The following ACACA variants were observed in gnomAD, a reference collection of about 807,000 sequenced individuals.
ACACA encodes acetyl-CoA carboxylase 1.
Under a neutral mutation model 296.1 loss-of-function variants are expected in ACACA, and 103 were observed. The observed-to-expected ratio is 0.35, with a 90% CI of 0.30 to 0.41. The LOEUF is 0.41. Among genes scored for constraint, ACACA ranks in the 10% least tolerant of loss-of-function variants. ACACA has a pLI of 1.00. For missense variants in ACACA, 1,554 were observed against 2,989.7 expected, an observed-to-expected ratio of 0.52 and a Z score of 11.20; for synonymous variants, 953 against 1,038.6, an observed-to-expected ratio of 0.92 and a Z score of 1.58.
intron 50 of ACACA, among the ~76,000 whole-genome samples, chr17:37,117,801 T>TTC (rs1555550616): frequency 7.3e-5 from 11 of 151,542 alleles, no homozygotes; most frequent in African/African-American, 2.7e-4. Flanking sequence ...TTTTTTTTTT[T>TTC]CCCTTCACTA....
intron 41 of ACACA, among the ~76,000 whole-genome samples, chr17:37,168,526 A>C (rs149481294): frequency 1.2e-3 from 189 of 152,098 alleles, no homozygotes; most frequent in African/African-American, 4.3e-3. Flanking sequence ...TCCATAACAA[A>C]AAAAAAAATT....
intron 25 of ACACA, 143 bp downstream of exon 25, chr17:37,234,832 T>C (rs1393994085): frequency 1.6e-5 from 15 of 935,130 alleles, no homozygotes; most frequent in Non-Finnish European, 2.4e-5. Context: ...TGTGAGAAAC[T>C]GTTAATCCAC....
chr17:37,171,214 C>G (rs2076871121), intron 41 of ACACA, among the ~76,000 whole-genome samples: 1 of 152,112 alleles, frequency 6.6e-6, no homozygotes, highest in Non-Finnish European at 1.5e-5. Context: ...TCTAATTCTG[C>G]TAATGCCAGG....
intron 29 of ACACA, among the ~76,000 whole-genome samples, chr17:37,218,864 T>A (rs545824174): frequency 6.6e-6 from 1 of 152,308 alleles, no homozygotes; most frequent in East Asian, 1.9e-4. Context: ...TAGCTAAATC[T>A]AAAAGAGCTT....
intron 1 of ACACA, chr17:37,367,579 A>G (rs1360636425): frequency 6.6e-6 from 1 of 152,098 alleles, no homozygotes; most frequent in East Asian, 1.9e-4. Context: ...TATATTCAGG[A>G]TATAAAGCCT....
intron 1 of ACACA, among the ~76,000 whole-genome samples, chr17:37,358,537 C>G (rs577051373): frequency 1.2e-3 from 178 of 152,336 alleles, no homozygotes; most frequent in African/African-American, 4.1e-3. Context: ...ACACCTCACT[C>G]TGCAAGAGAG....
In ACACA at chr17:37,113,296, G is replaced by C; in HGVS notation, c.6275-31C>G. On this transcript the variant is annotated intron_variant, in intron 50 of 55. Transcript: ENST00000616317. This position sits in a 1 kb window ranked among gnomAD's most constrained non-coding sequence, Gnocchi z 4.0. Reference sequence around the variant, plus strand: ...GAGAATGAGACAAATTAGAAATCAAGAAATTTCTCTTCCTCAAAGCAGTAC... The same window carrying C: ...GAGAATGAGACAAATTAGAAATCAACAAATTTCTCTTCCTCAAAGCAGTAC... The C allele has an allele frequency of 2.5e-6, 4 of 1,606,856 alleles. No homozygotes were observed. Among genetic ancestry groups the C allele is most frequent in the Non-Finnish European group, 2.6e-6 (3 of 1,174,292 alleles).
intron 1 of ACACA, among the ~76,000 whole-genome samples, chr17:37,388,107 G>A (rs2050629197): frequency 6.6e-6 from 1 of 152,154 alleles, no homozygotes; most frequent in South Asian, 2.1e-4. Context: ...TGAGGCTGAA[G>A]TGAGCCAAGA....
At chr17:37,230,330 G>C (rs2079797271) in intron 25 of ACACA, among the ~76,000 whole-genome samples, 1 of 151,470 alleles carries the variant, frequency 6.6e-6, no homozygotes, top group South Asian at 2.1e-4. Context: ...GTTGTGGTGA[G>C]CCAAGATCGC....
chr17:37,250,190 T>G (rs1232353096), intron 16 of ACACA, among the ~76,000 whole-genome samples: 1 of 152,154 alleles, frequency 6.6e-6, no homozygotes, highest in Non-Finnish European at 1.5e-5. Flanking sequence ...TTAGGGTATC[T>G]TTGGAAGGTT....
chr17:37,251,242 G>A (rs1231916550), intron 16 of ACACA, among the ~76,000 whole-genome samples: 4 of 152,076 alleles, frequency 2.6e-5, no homozygotes, highest in African/African-American at 4.8e-5. Flanking sequence ...TGAAAGTCAC[G>A]CCAAGGGATT....
At chr17:37,229,750 A>G (rs2079756897) in intron 25 of ACACA, among the ~76,000 whole-genome samples, 1 of 152,136 alleles carries the variant, frequency 6.6e-6, no homozygotes, top group African/African-American at 2.4e-5. Context: ...AGTATGTGTA[A>G]GAAAAGCGAA....
chr17:37,174,020 ATTTTTT>A (rs71159693), intron 41 of ACACA, among the ~76,000 whole-genome samples: 27 of 16,786 alleles, frequency 1.6e-3, no homozygotes, highest in Non-Finnish European at 2.6e-3. Flanking sequence ...ATATATATAT[ATTTTTT>A]TTTTTTTTTT....
At chr17:37,186,022 C>T (rs1234883865) in intron 39 of ACACA, among the ~76,000 whole-genome samples, 2 of 152,174 alleles carry the variant, frequency 1.3e-5, no homozygotes, top group East Asian at 3.8e-4. Flanking sequence ...AAAAATAAAA[C>T]TCAAGCCAAT....
intron 29 of ACACA, among the ~76,000 whole-genome samples, chr17:37,219,504 T>C (rs2079183053): frequency 6.6e-6 from 1 of 151,958 alleles, no homozygotes; most frequent in Non-Finnish European, 1.5e-5. Context: ...CCATCTGAAG[T>C]AGGGACAATT....
chr17:37,287,557 C>A (rs1203520121), intron 3 of ACACA, among the ~76,000 whole-genome samples: 2 of 145,014 alleles, frequency 1.4e-5, no homozygotes, highest in Non-Finnish European at 3.0e-5. Flanking sequence ...CATGGCGAAA[C>A]CACGTCTCTA....
In ACACA at chr17:37,192,292, C is replaced by T. The variant is rs779594669; in HGVS notation, c.4214G>A (p.Arg1405His). 5 of 1,613,840 alleles carry T rather than the reference C, an allele frequency of 3.1e-6. No homozygotes were observed. The highest frequency in any genetic ancestry group is 2.2e-5 in the East Asian group (1 of 44,858). ...AGCAGGCTCCAGATGACGATAGATACGATCCTCCTCAAACTGAGTACAAGA... is the reference window on the plus strand; with the variant it reads ...AGCAGGCTCCAGATGACGATAGATATGATCCTCCTCAAACTGAGTACAAGA... ...FRARDKFEED[R>H]IYRHLEPALA... Residue 1405 changes from arginine to histidine, a missense_variant, in exon 37 of 56, where the codon CGT becomes CAT. By Grantham distance (29) the Arg-to-His change is conservative. Coordinates refer to ENST00000616317, the MANE Select transcript of ACACA (RefSeq NM_198834.3).
At chr17:37,278,647 GTAACA>G (rs1260355110) in intron 5 of ACACA, among the ~76,000 whole-genome samples, 4 of 152,234 alleles carry the variant, frequency 2.6e-5, no homozygotes, top group Middle Eastern at 3.4e-3. Flanking sequence ...AATGACAACT[GTAACA>G]GAAGAGCTAC....
chr17:37,242,068 A>G lies in ACACA; in HGVS notation c.2932-15T>C. ...ATGTTTGCAATCTAAGGTATAAAAA[A>G]GGGAAAAAAATGAGGCCCAACCCAA... is the stretch of plus-strand genomic sequence containing the variant. On this transcript the variant is annotated splice_polypyrimidine_tract_variant and intron_variant, in intron 22 of 55. Coordinates refer to ENST00000616317, the MANE Select transcript of ACACA (RefSeq NM_198834.3). 6.2e-7 allele frequency: 1 copy of G among 1,610,880 alleles called. No individual in the cohort carries two copies. Among genetic ancestry groups the G allele is most frequent in the East Asian group, 2.2e-5 (1 of 44,854 alleles).
Sources: gnomAD v4.1 joint callset for allele counts (sites outside exome capture counted in the v4.1 genomes callset) on GRCh38, gnomAD v4.1.1 for gene constraint, Gnocchi (gnomAD v3.1) non-coding constraint, MANE v1.5 for transcripts, NCBI Gene and HGNC (gene_info 2026-07-23, HGNC 2026-07-21) for gene names.